The following GLP2R variants were observed in gnomAD, a reference collection of about 807,000 sequenced individuals.
The protein encoded by GLP2R is glucagon like peptide 2 receptor.
Under a neutral mutation model 68.2 loss-of-function variants are expected in GLP2R, and 59 were observed. The ratio of observed to expected loss-of-function variants is 0.87; its 90% CI spans 0.70 to 1.07. GLP2R has a LOEUF of 1.07. Ranked by LOEUF, GLP2R falls within the 50% of genes least tolerant of loss-of-function variation. The pLI, the probability that GLP2R is intolerant of heterozygous loss-of-function variation, is 0.00. For missense variants in GLP2R, 548 were observed against 677.4 expected (o/e 0.81, Z 2.12); for synonymous variants, 270 against 265.4 (o/e 1.02, Z -0.17).
intron 11 of GLP2R, among the ~76,000 whole-genome samples, chr17:9,881,345 C>G (rs2067193812): frequency 6.7e-6 from 1 of 149,374 alleles, no homozygotes; most frequent in African/African-American, 2.4e-5. Flanking sequence ...CAGTTCAGGG[C>G]TCCCAAGAGT....
chr17:9,834,822 C>G (rs773982615), intron 2 of GLP2R: 4 of 152,458 alleles, frequency 2.6e-5, no homozygotes, highest in Non-Finnish European at 4.4e-5. Flanking sequence ...CTGCAGGAAC[C>G]ACCTCTCGCT....
intron 10 of GLP2R, among the ~76,000 whole-genome samples, chr17:9,871,068 G>T (rs1329520251): frequency 2.6e-5 from 4 of 152,164 alleles, no homozygotes; most frequent in Non-Finnish European, 5.9e-5. Context: ...GCAGAAAACT[G>T]TTAAAATGCC....
intron 1 of GLP2R, among the ~76,000 whole-genome samples, chr17:9,829,234 T>C (rs907748109): frequency 1.3e-5 from 2 of 152,200 alleles, no homozygotes; most frequent in Non-Finnish European, 2.9e-5. Flanking sequence ...ATCAAAAACA[T>C]AAACTATCTA....
In GLP2R at chr17:9,827,659, A is replaced by C. The variant is rs189934539; in HGVS notation, c.189+1407A>C. ...CCAGTTCCACTTGTCTGAATAACGA[A>C]AGTAGCTTAAGGAATGGCTCAGACT... On this transcript the variant is annotated intron_variant, in intron 1 of 12. Coordinates refer to ENST00000262441, the MANE Select transcript of GLP2R (RefSeq NM_004246.3). Among the ~76,000 whole-genome samples the C allele has an allele frequency of 6.6e-4, 101 of 152,218 alleles. 1 individual carries two copies. The East Asian group carries it at 0.019, about 29-fold the overall frequency.
chr17:9,885,686 C>A (rs2067238265), intron 11 of GLP2R, among the ~76,000 whole-genome samples: 1 of 151,918 alleles, frequency 6.6e-6, no homozygotes, highest in African/African-American at 2.4e-5. Context: ...TTCCAGCCCT[C>A]TTAAGTCATA....
intron 1 of GLP2R, among the ~76,000 whole-genome samples, chr17:9,828,342 G>C (rs2066651068): frequency 6.6e-6 from 1 of 152,222 alleles, no homozygotes; most frequent in South Asian, 2.1e-4. Context: ...TGTGTTAGTG[G>C]TGGGACCATT....
At chr17:9,870,903 T>C (rs2067086866) in intron 10 of GLP2R, 68 bp downstream of exon 10, 4 of 789,448 alleles carry the variant, frequency 5.1e-6, no homozygotes, top group Non-Finnish European at 9.1e-6. Context: ...TTCTGCCCGC[T>C]GTCTTGGGAA....
intron 4 of GLP2R, among the ~76,000 whole-genome samples, chr17:9,847,719 A>G (rs1458514430): frequency 6.6e-6 from 1 of 152,112 alleles, no homozygotes; most frequent in Non-Finnish European, 1.5e-5. Flanking sequence ...GTTCATGTCC[A>G]TTAGAGAAGG....
intron 9 of GLP2R, among the ~76,000 whole-genome samples, chr17:9,864,038 T>C (rs146758240): frequency 1.1e-4 from 17 of 152,334 alleles, no homozygotes; most frequent in African/African-American, 3.8e-4. Flanking sequence ...TAGTGTTTAC[T>C]TGCAGTCTTC....
intron 9 of GLP2R, among the ~76,000 whole-genome samples, chr17:9,867,142 C>G (rs1165740004): frequency 6.6e-6 from 1 of 152,134 alleles, no homozygotes; most frequent in Admixed American, 6.5e-5. Flanking sequence ...GAGCCTGGGC[C>G]CAATTTTGGG....
intron 1 of GLP2R, among the ~76,000 whole-genome samples, chr17:9,828,313 T>C (rs2152028396): frequency 6.6e-6 from 1 of 152,346 alleles, no homozygotes; most frequent in African/African-American, 2.4e-5. Context: ...CTGGCCTGCC[T>C]CTGGTCCCAG....
intron 9 of GLP2R, among the ~76,000 whole-genome samples, chr17:9,868,308 A>G (rs1281630649): frequency 6.6e-6 from 1 of 152,152 alleles, no homozygotes; most frequent in Non-Finnish European, 1.5e-5. Flanking sequence ...TTGGCGGTAG[A>G]TGGAAGAGTT....
At position 9,864,705 on chromosome 17, in the gene GLP2R, TAGAGATGGGGTTTCACCATGTTGGTC is replaced by T. The variant is rs2067019054; in HGVS notation, c.1056+2618_1056+2643del. 2.0e-5 allele frequency among the ~76,000 whole-genome samples: 3 copies of T among 152,008 alleles called. No individual in the cohort carries two copies. The South Asian group carries it at 6.2e-4, about 32-fold the overall frequency. Reference sequence around the variant, plus strand: ...ACCCGGCTAATTTTTGTATTTTTAGTAGAGATGGGGTTTCACCATGTTGGTCAGGCTGGTCTCGAACTCCTGACCTC... The same window carrying T: ...ACCCGGCTAATTTTTGTATTTTTAGTAGGCTGGTCTCGAACTCCTGACCTC... On this transcript the variant is annotated intron_variant, in intron 9 of 12. Transcript: ENST00000262441.
rs542266092 is a variant in GLP2R at position 9,891,128 on chromosome 17, A to T, written c.*1423A>T. 28 of 152,334 alleles carry T rather than the reference A, an allele frequency of 1.8e-4. No individual in the cohort carries two copies. The highest frequency in any genetic ancestry group is 7.2e-4 in the Admixed American group (11 of 15,304). The allele number at this position is 152,334 out of a possible 1,614,324, so 9.4% of individuals were successfully genotyped here. A position where few individuals can be genotyped will look rare whatever the true frequency, so the allele number is the denominator to read the frequency against. On this transcript the variant is annotated 3_prime_UTR_variant, in exon 13 of 13. Coordinates refer to ENST00000262441, the MANE Select transcript of GLP2R (RefSeq NM_004246.3). ...CAAGCAGGGCTGCCATATTTAGCAA[A>T]CAAAAACAAGGTACTCAATTAAATT... is the stretch of plus-strand genomic sequence containing the variant.
chr17:9,832,802 T>C (rs2066692519), intron 1 of GLP2R, among the ~76,000 whole-genome samples: 1 of 152,130 alleles, frequency 6.6e-6, no homozygotes, highest in Admixed American at 6.6e-5. Context: ...TAGAAGCTGT[T>C]ACACAGCCCA....
At position 9,891,336 on chromosome 17, in the gene GLP2R, T is replaced by C. The variant is rs1357761205; in HGVS notation, c.*1631T>C. 3 of 152,170 alleles carry C rather than the reference T, an allele frequency of 2.0e-5. No individual in the cohort carries two copies. Among genetic ancestry groups the C allele is most frequent in the Admixed American group, 6.5e-5 (1 of 15,278 alleles). 9.4% of individuals were successfully genotyped at this position (152,170 alleles called of 1,614,324 possible). A position where few individuals can be genotyped will look rare whatever the true frequency, so the allele number is the denominator to read the frequency against. ...TCATCTCTAAAAAGCTCAAAGTAAA[T>C]GATCAAAATAAATCATATTTTAATG... On this transcript the variant is annotated 3_prime_UTR_variant, in exon 13 of 13. Coordinates refer to ENST00000262441, the MANE Select transcript of GLP2R (RefSeq NM_004246.3).
chr17:9,889,123 C>T (rs991107202), intron 12 of GLP2R, among the ~76,000 whole-genome samples: 5 of 152,172 alleles, frequency 3.3e-5, no homozygotes, highest in Admixed American at 6.5e-5. Flanking sequence ...CATGCCACCC[C>T]GGCAGAGTCC....
chr17:9,827,173 TAC>T (rs776913128), intron 1 of GLP2R, among the ~76,000 whole-genome samples: 1 of 146,070 alleles, frequency 6.8e-6, no homozygotes, highest in Non-Finnish European at 1.5e-5. Flanking sequence ...CAGGCCTACA[TAC>T]AGTTTTTTTT....
At chr17:9,840,653 G>GGGGAA (rs1479827887) in intron 3 of GLP2R, among the ~76,000 whole-genome samples, 2 of 152,320 alleles carry the variant, frequency 1.3e-5, no homozygotes, top group Admixed American at 1.3e-4. Context: ...TAAACAAGAT[G>GGGGAA]GGGAAGGGAA....
Sources: gnomAD v4.1 joint callset for allele counts (sites outside exome capture counted in the v4.1 genomes callset) on GRCh38, gnomAD v4.1.1 for gene constraint, MANE v1.5 for transcripts, NCBI Gene and HGNC (gene_info 2026-07-23, HGNC 2026-07-21) for gene names.